Variants in IL17RD observed in about 807,000 individuals in gnomAD.
IL17RD encodes the protein interleukin-17 receptor D.
In IL17RD, 52 loss-of-function variants were observed where a neutral mutation model predicts 80.5. That is an observed-to-expected ratio of 0.65 (90% CI 0.52 to 0.81). The LOEUF is 0.81. IL17RD is among the 40% of genes least tolerant of loss of function. IL17RD has a pLI of 0.00. For missense variants in IL17RD, 1,024 were observed against 955.1 expected (o/e 1.07, Z -0.95); for synonymous variants, 416 against 391.8 (o/e 1.06, Z -0.73).
chr3:57,146,976 C>G (rs1038918334), intron 1 of IL17RD, among the ~76,000 whole-genome samples: 1 of 147,392 alleles, frequency 6.8e-6, no homozygotes, highest in Admixed American at 6.8e-5. Context: ...TGCCCAACAA[C>G]CATGCCCGGC....
intron 1 of IL17RD, among the ~76,000 whole-genome samples, chr3:57,159,146 C>G (rs963609197): frequency 1.5e-4 from 23 of 149,092 alleles, no homozygotes; most frequent in African/African-American, 5.7e-4. Context: ...TTTAAAGACA[C>G]ATTTACATTT....
chr3:57,134,305 T>C (rs1005016400), intron 1 of IL17RD: 4 of 685,994 alleles, frequency 5.8e-6, no homozygotes, highest in Non-Finnish European at 1.1e-5. Flanking sequence ...CCTGTGACTT[T>C]CCATTCCCGG....
chr3:57,105,910 G>C lies in IL17RD; in HGVS notation c.694C>G (p.Leu232Val). The change falls in exon 7 of 13, where the codon CTT becomes GTT. Residue 232 changes from leucine to valine, a missense_variant. Coordinates refer to ENST00000296318, the MANE Select transcript of IL17RD (RefSeq NM_017563.5). ...CCTTCGTGCTTGAGCTTGTAGTGAAGATAGAAGAAACGGAAGCCGAAGTTG... is the reference window on the plus strand; with the variant it reads ...CCTTCGTGCTTGAGCTTGTAGTGAACATAGAAGAAACGGAAGCCGAAGTTG... ...PHNFGFRFFY[L>V]HYKLKHEGPF... 1 of 1,613,928 alleles carries C rather than the reference G, an allele frequency of 6.2e-7. No individual in the cohort carries two copies. The highest frequency in any genetic ancestry group is 1.1e-5 in the South Asian group (1 of 91,072).
intron 1 of IL17RD, among the ~76,000 whole-genome samples, chr3:57,158,554 TC>T (rs1188848735): frequency 2.6e-5 from 4 of 151,924 alleles, no homozygotes; most frequent in Admixed American, 6.6e-5. Context: ...ACCTATTAAG[TC>T]CCCCCCTTTA....
rs745910085 is a variant in IL17RD at position 57,105,536 on chromosome 3, CA to C, written c.747+320del. Among the ~76,000 whole-genome samples the C allele has an allele frequency of 6.2e-3, 222 of 35,618 alleles. 6 individuals carry two copies. The highest frequency in any genetic ancestry group is 9.0e-3 in the Non-Finnish European group (153 of 16,934). 23.4% of individuals were successfully genotyped at this position (35,618 alleles called of 152,430 possible). A position where few individuals can be genotyped will look rare whatever the true frequency, so the allele number is the denominator to read the frequency against. On this transcript the variant is annotated intron_variant, in intron 7 of 12. Coordinates refer to ENST00000296318, the MANE Select transcript of IL17RD (RefSeq NM_017563.5). Reference sequence around the variant, plus strand: ...TGGGCAACAGAGCAAGACTCCATCTCAAAAAAAAAAAAAAAAATATATATAT... The same window carrying C: ...TGGGCAACAGAGCAAGACTCCATCTCAAAAAAAAAAAAAAAATATATATAT...
chr3:57,116,890 T>TAA (rs35526728), intron 2 of IL17RD, among the ~76,000 whole-genome samples: 16 of 136,406 alleles, frequency 1.2e-4, no homozygotes, highest in African/African-American at 4.1e-4. Flanking sequence ...CCCAAAATAT[T>TAA]AAAAAAAAAA....
chr3:57,126,338 G>A (rs533890889), intron 1 of IL17RD, among the ~76,000 whole-genome samples: 1 of 152,154 alleles, frequency 6.6e-6, no homozygotes, highest in Non-Finnish European at 1.5e-5. Context: ...CAGTAGGGAC[G>A]GAAGCAGCAA....
chr3:57,106,285 A>G (rs2107477015), intron 5 of IL17RD, 131 bp from the exon 6 acceptor site: 2 of 660,584 alleles, frequency 3.0e-6, no homozygotes, highest in South Asian at 3.7e-5. Context: ...CATCAATTCA[A>G]TGAGGATTTT....
intron 2 of IL17RD, 118 bp downstream of exon 2, chr3:57,120,138 G>C (rs1707302141): frequency 2.5e-6 from 2 of 788,756 alleles, no homozygotes; most frequent in African/African-American, 1.7e-5. Context: ...TGACAAACCT[G>C]AACAGGTTCA....
At chr3:57,116,513 G>A (rs550560904) in intron 2 of IL17RD, among the ~76,000 whole-genome samples, 6 of 151,960 alleles carry the variant, frequency 3.9e-5, no homozygotes, top group Middle Eastern at 3.4e-3. Context: ...TCGAACTCCC[G>A]ACCTCAGGTG....
chr3:57,098,158 G>A lies in IL17RD; in HGVS notation c.1545C>T (p.Asp515=), dbSNP rs17057695. ...PQLCSHLHSR[D]HGLQEPGQHT... ...GCTGCCCCGGCTCCTGGAGGCCGTG[G>A]TCTCGGGAGTGCAAGTGGGAACAGA... The change falls in exon 12 of 13, where the codon GAC becomes GAT. Residue 515 remains aspartate, a synonymous_variant. Coordinates refer to ENST00000296318, the MANE Select transcript of IL17RD (RefSeq NM_017563.5). The A allele has an allele frequency of 1.8e-3, 2,838 of 1,614,006 alleles. 34 individuals are homozygous for A. The African/African-American group carries it at 0.034, about 20-fold the overall frequency.
intron 12 of IL17RD, among the ~76,000 whole-genome samples, chr3:57,096,903 C>T (rs772167810): frequency 2.3e-4 from 35 of 151,090 alleles, no homozygotes; most frequent in Non-Finnish European, 3.2e-4. Context: ...CCCAGCTATT[C>T]GGGAGGCTGG....
Position 57,093,720 on chromosome 3 carries a change from G to A in IL17RD, c.*2673C>T, listed in dbSNP as rs1217090929. 1 of 152,152 alleles carries A rather than the reference G, an allele frequency of 6.6e-6. No homozygotes were observed. Among genetic ancestry groups the A allele is most frequent in the African/African-American group, 2.4e-5 (1 of 41,410 alleles). The allele number at this position is 152,152 out of a possible 1,614,324, so 9.4% of individuals were successfully genotyped here. On this transcript the variant is annotated 3_prime_UTR_variant, in exon 13 of 13. Coordinates refer to ENST00000296318, the MANE Select transcript of IL17RD (RefSeq NM_017563.5). ...CTTGTATGGCTGGGCTGAGTCTGTT[G>A]AGGTGGTCTCTGTTGAGGTGGTCTC...
rs546024193 is a variant in IL17RD, at chr3:57,155,142, A to G, written c.126+10019T>C. Among the ~76,000 whole-genome samples, 8 of 152,336 alleles carry G rather than the reference A, an allele frequency of 5.3e-5. No homozygotes were observed. In the Middle Eastern group the frequency reaches 0.01, roughly 194 times the overall value. On this transcript the variant is annotated intron_variant, in intron 1 of 12. Transcript: ENST00000296318. ...CAAGTGGCTTCAGAAAATGAAATGC[A>G]TTCACCACCAGAGGGGAACGAAGCA...
At chr3:57,122,933 T>C (rs1015482267) in intron 1 of IL17RD, among the ~76,000 whole-genome samples, 6 of 152,020 alleles carry the variant, frequency 3.9e-5, no homozygotes, top group Admixed American at 6.6e-5. Flanking sequence ...CTTTTTTTTT[T>C]GTTCCAGTTC....
chr3:57,108,283 T>G (rs1579268248), intron 5 of IL17RD, among the ~76,000 whole-genome samples: 1 of 152,026 alleles, frequency 6.6e-6, no homozygotes, highest in Non-Finnish European at 1.5e-5. Flanking sequence ...CTCGAACTCC[T>G]GACTTCGTGA....
intron 1 of IL17RD, among the ~76,000 whole-genome samples, chr3:57,158,667 T>C (rs1475546358): frequency 2.6e-5 from 4 of 152,304 alleles, no homozygotes; most frequent in East Asian, 3.9e-4. Context: ...CTTTGAACAA[T>C]GGAGTTGCAA....
intron 1 of IL17RD, among the ~76,000 whole-genome samples, chr3:57,144,935 T>C (rs1236001354): frequency 5.3e-5 from 8 of 152,188 alleles, no homozygotes; most frequent in Non-Finnish European, 1.2e-4. Flanking sequence ...TGTATGTGTG[T>C]ATCACTATTC....
rs1192313491 is a variant in IL17RD at position 57,127,295 on chromosome 3, AATAT to A, written c.127-6986_127-6983del. Among the ~76,000 whole-genome samples, 4 of 87,842 alleles carry A rather than the reference AATAT, an allele frequency of 4.6e-5. 1 individual carries two copies. The highest frequency in any genetic ancestry group is 1.8e-4 in the African/African-American group (3 of 16,604). 57.6% of individuals were successfully genotyped at this position (87,842 alleles called of 152,430 possible). A position where few individuals can be genotyped will look rare whatever the true frequency, so the allele number is the denominator to read the frequency against. On this transcript the variant is annotated intron_variant, in intron 1 of 12. Coordinates refer to ENST00000296318, the MANE Select transcript of IL17RD (RefSeq NM_017563.5). ...ATAAAAATATATATAAATATATATAAATATATATAAAAATATATAAAAATATATA... is the reference window on the plus strand; with the variant it reads ...ATAAAAATATATATAAATATATATAAATATAAAAATATATAAAAATATATA...
Sources: gnomAD v4.1 joint callset for allele counts (sites outside exome capture counted in the v4.1 genomes callset) on GRCh38, gnomAD v4.1.1 for gene constraint, MANE v1.5 for transcripts, NCBI Gene and HGNC (gene_info 2026-07-23, HGNC 2026-07-21) for gene names.